SPAG16: variants seen among roughly 807,000 people sequenced by gnomAD.
The protein encoded by SPAG16 is sperm associated antigen 16.
SPAG16 carries 86 observed loss-of-function variants against 80.4 expected under a neutral mutation model. The ratio of observed to expected loss-of-function variants is 1.07; its 90% CI spans 0.90 to 1.28. SPAG16 has a LOEUF of 1.28. Ranked by LOEUF, SPAG16 falls within the 50% of genes most tolerant of loss-of-function variation. The pLI is 0.00. For missense variants in SPAG16, 870 were observed against 765.3 expected (o/e 1.14, Z -1.61); for synonymous variants, 294 against 265.9 (o/e 1.11, Z -1.03).
At chr2:214,054,250 T>A (rs2049816306) in intron 13 of SPAG16, among the ~76,000 whole-genome samples, 1 of 152,214 alleles carries the variant, frequency 6.6e-6, no homozygotes, top group East Asian at 1.9e-4. Flanking sequence ...CCTCAGGTGA[T>A]CCGCCTGCCT....
intron 10 of SPAG16, among the ~76,000 whole-genome samples, chr2:213,817,645 T>C (rs542516135): frequency 6.6e-6 from 1 of 152,172 alleles, no homozygotes; most frequent in Admixed American, 6.6e-5. Flanking sequence ...TAGAATACTA[T>C]ACAGCCATGA....
intron 15 of SPAG16, chr2:214,281,321 C>A: frequency 4.8e-6 from 1 of 209,332 alleles, no homozygotes; most frequent in African/African-American, 2.3e-5. Flanking sequence ...TGGGTGTTTC[C>A]TATTTATTTT....
intron 15 of SPAG16, among the ~76,000 whole-genome samples, chr2:214,177,916 C>CACATAT (rs1553519943): frequency 1.1e-5 from 1 of 92,204 alleles, no homozygotes; most frequent in Non-Finnish European, 2.1e-5. Context: ...TATATATATA[C>CACATAT]ATATATATAT....
intron 10 of SPAG16, among the ~76,000 whole-genome samples, chr2:213,563,210 T>C (rs1001792322): frequency 2.0e-5 from 3 of 152,262 alleles, no homozygotes; most frequent in Non-Finnish European, 4.4e-5. Context: ...AGTTTTACTT[T>C]CTGTGAACTC....
chr2:214,273,243 G>T (rs951667496), intron 15 of SPAG16, among the ~76,000 whole-genome samples: 1 of 152,160 alleles, frequency 6.6e-6, no homozygotes, highest in Non-Finnish European at 1.5e-5. Flanking sequence ...TCTGTAGGTT[G>T]CCTGTTCACT....
chr2:213,293,172 C>G (rs2062364734), intron 1 of SPAG16, among the ~76,000 whole-genome samples: 1 of 152,208 alleles, frequency 6.6e-6, no homozygotes, highest in Non-Finnish European at 1.5e-5. Context: ...CACCCATTCT[C>G]TCTTTCATGG....
chr2:213,643,051 G>A (rs915103811), intron 10 of SPAG16, among the ~76,000 whole-genome samples: 1 of 93,614 alleles, frequency 1.1e-5, no homozygotes, highest in Non-Finnish European at 2.0e-5. Context: ...ATGTGTGTGT[G>A]TATGTGTGTG....
chr2:214,089,817 C>A (rs1393784935), intron 13 of SPAG16, among the ~76,000 whole-genome samples: 1 of 151,934 alleles, frequency 6.6e-6, no homozygotes, highest in Non-Finnish European at 1.5e-5. Flanking sequence ...CAATCCATGA[C>A]CCTCCCTAAA....
chr2:214,039,959 T>A (rs942218752), intron 13 of SPAG16, among the ~76,000 whole-genome samples: 1 of 152,222 alleles, frequency 6.6e-6, no homozygotes, highest in Admixed American at 6.5e-5. Flanking sequence ...GGTACAGTCA[T>A]AGGGTTGTAG....
chr2:214,272,443 C>T (rs1692104452), intron 15 of SPAG16, among the ~76,000 whole-genome samples: 2 of 152,114 alleles, frequency 1.3e-5, no homozygotes, highest in East Asian at 1.9e-4. Context: ...TATCCCTCCC[C>T]CTGCCCCCCA....
At chr2:214,382,601 CCT>C (rs1327156601) in intron 15 of SPAG16, among the ~76,000 whole-genome samples, 7 of 152,152 alleles carry the variant, frequency 4.6e-5, no homozygotes, top group African/African-American at 1.4e-4. Context: ...ATGGCACCAT[CCT>C]CTCTCAGCAA....
intron 15 of SPAG16, among the ~76,000 whole-genome samples, chr2:214,349,922 TA>T (rs764167753): frequency 1.3e-5 from 2 of 152,256 alleles, no homozygotes; most frequent in African/African-American, 2.4e-5. Context: ...TTTTGAGTTA[TA>T]GGGGTGCTTT....
At chr2:213,944,175 A>G (rs189084760) in intron 12 of SPAG16, among the ~76,000 whole-genome samples, 12 of 152,316 alleles carry the variant, frequency 7.9e-5, no homozygotes, top group Admixed American at 7.2e-4. Flanking sequence ...CTTGGTTCCA[A>G]TAGGCCATAC....
rs145479759 is a variant in SPAG16 at position 213,703,477 on chromosome 2, T to G, written c.1071-159008T>G. Among the ~76,000 whole-genome samples the G allele has an allele frequency of 1.5e-3, 232 of 152,334 alleles. 2 individuals are homozygous for G. The highest frequency in any genetic ancestry group is 5.1e-3 in the African/African-American group (212 of 41,574). The stretch of plus-strand genomic sequence containing the variant: ...AAACCCAGGGCCTAGTATAATTCAC[T>G]GTATTTTTGCAGATTCCTCAATTCC... On this transcript the variant is annotated intron_variant, in intron 10 of 15. Coordinates refer to ENST00000331683, the MANE Select transcript of SPAG16 (RefSeq NM_024532.5).
At chr2:213,762,884 T>C (rs2068736271) in intron 10 of SPAG16, among the ~76,000 whole-genome samples, 1 of 152,010 alleles carries the variant, frequency 6.6e-6, no homozygotes, top group Admixed American at 6.5e-5. Context: ...AAGTTGCAAA[T>C]CTTATAAGGG....
At chr2:213,814,440 A>C (rs2072384047) in intron 10 of SPAG16, among the ~76,000 whole-genome samples, 1 of 152,238 alleles carries the variant, frequency 6.6e-6, no homozygotes, top group Non-Finnish European at 1.5e-5. Context: ...AGACAAGTTA[A>C]CATGTAAAAT....
chr2:213,748,486 A>T (rs2067935865), intron 10 of SPAG16, among the ~76,000 whole-genome samples: 1 of 152,050 alleles, frequency 6.6e-6, no homozygotes, highest in African/African-American at 2.4e-5. Flanking sequence ...GAAATAATTA[A>T]TAAGTTTTAT....
At chr2:213,359,990 A>G (rs1325644290) in intron 7 of SPAG16, among the ~76,000 whole-genome samples, 1 of 152,234 alleles carries the variant, frequency 6.6e-6, no homozygotes, top group Non-Finnish European at 1.5e-5. Context: ...TAACATTGAA[A>G]AAAATAAATA....
chr2:214,209,836 C>T lies in SPAG16; in HGVS notation c.1720+60570C>T, dbSNP rs566125176. 3.3e-5 allele frequency among the ~76,000 whole-genome samples: 5 copies of T among 152,210 alleles called. No individual in the cohort carries two copies. In the South Asian group the frequency reaches 1.0e-3, roughly 32 times the overall value. On this transcript the variant is annotated intron_variant, in intron 15 of 15. Transcript: ENST00000331683. ...GGTTACATAATTGATTAATTTGTCA[C>T]CAAGGCCCCATACTCAAGTATATTT...
Sources: gnomAD v4.1 joint callset for allele counts (sites outside exome capture counted in the v4.1 genomes callset) on GRCh38, gnomAD v4.1.1 for gene constraint, MANE v1.5 for transcripts, NCBI Gene and HGNC (gene_info 2026-07-23, HGNC 2026-07-21) for gene names.